Variants in HDX observed in about 807,000 individuals in gnomAD.
HDX encodes the protein chromosome X open reading frame 43.
In HDX, 19 loss-of-function variants were observed where a neutral mutation model predicts 45.2. The observed-to-expected ratio is 0.42, with a 90% CI of 0.29 to 0.62. The LOEUF is 0.62. HDX is among the 20% of genes least tolerant of loss of function. The pLI, the probability that HDX is intolerant of heterozygous loss-of-function variation, is 0.20. For synonymous variants in HDX, 188 were observed against 172.8 expected (o/e 1.09, Z -0.69); for missense variants, 532 against 493.9 (o/e 1.08, Z -0.73).
intron 5 of HDX, chrX:84,440,328 G>A (rs2039733158): frequency 2.9e-6 from 1 of 340,223 alleles, no homozygotes; most frequent in African/African-American, 2.7e-5. Flanking sequence ...TGGATTATAT[G>A]GTGTGCTGAG....
At chrX:84,495,803 C>T (rs2040988445) in intron 1 of HDX, among the ~76,000 whole-genome samples, 1 of 111,625 alleles carries the variant, frequency 9.0e-6, no homozygotes, top group Non-Finnish European at 1.9e-5. Flanking sequence ...GGAAACAAAA[C>T]CTTCTCTAGA....
chrX:84,403,876 C>G (rs914066967), intron 5 of HDX: 3 of 111,407 alleles, frequency 2.7e-5, no homozygotes, highest in African/African-American at 6.5e-5. Context: ...CATGTTCTAC[C>G]AGGTACACAC....
At position 84,336,845 on chromosome X, in the gene HDX, C is replaced by T; in HGVS notation, c.1696G>A (p.Ala566Thr). Residue 566 changes from alanine to threonine, a missense_variant, in exon 8 of 11, where the codon GCT (alanine) becomes ACT (threonine). This residue lies in a region of HDX where 151 missense variants were observed against 131.8 expected (regional missense o/e 1.15). Transcript: ENST00000373177. The part of the protein sequence containing the change: ...PNEVVPNDAR[A>T]HKEEDHHAVT... Reference sequence around the variant, plus strand: ...GCATGGTGGTCCTCTTCCTTATGAGCCCTTGCATCATTCGGAACAACTTCA... The same window carrying T: ...GCATGGTGGTCCTCTTCCTTATGAGTCCTTGCATCATTCGGAACAACTTCA... 1 of 1,190,417 alleles carries T rather than the reference C, an allele frequency of 8.4e-7. No homozygotes were observed. The highest frequency in any genetic ancestry group is 1.1e-6 in the Non-Finnish European group (1 of 880,146).
In HDX at chrX:84,411,986, C is replaced by G. The variant is rs985858841; in HGVS notation, c.1305+28546G>C. ...TTTGTCTGAAATTATACTATCAGCC[C>G]CCACTTTTTTCTGTTTTCCATTTGC... On this transcript the variant is annotated intron_variant, in intron 5 of 10. Coordinates refer to ENST00000373177, the MANE Select transcript of HDX (RefSeq NM_001177479.2). Among the ~76,000 whole-genome samples, 4 of 110,945 alleles carry G rather than the reference C, an allele frequency of 3.6e-5. 1 individual carries two copies. Among genetic ancestry groups the G allele is most frequent in the Non-Finnish European group, 7.6e-5 (4 of 52,884 alleles).
intron 4 of HDX, among the ~76,000 whole-genome samples, chrX:84,460,981 G>A (rs773629729): frequency 2.6e-4 from 29 of 111,205 alleles, no homozygotes; most frequent in African/African-American, 8.5e-4. Flanking sequence ...ATAAGTGAAA[G>A]ATCTCTATAA....
rs1279358555 is a variant in HDX at position 84,386,876 on chromosome X, C to G, written c.1306-25264G>C. Among the ~76,000 whole-genome samples, 14 of 111,140 alleles carry G rather than the reference C, an allele frequency of 1.3e-4. No individual in the cohort carries two copies. The Admixed American group carries it at 1.3e-3, about 11-fold the overall frequency. ...TCTAATTTTAGTTATTTATTTTCTT[C>G]TGCTAGCTTTGGGGTTGATTTGTTT... On this transcript the variant is annotated intron_variant, in intron 5 of 10. Transcript: ENST00000373177.
chrX:84,393,686 T>C (rs1602372309), intron 5 of HDX, among the ~76,000 whole-genome samples: 1 of 111,282 alleles, frequency 9.0e-6, no homozygotes, highest in East Asian at 2.8e-4. Context: ...ATTACTGCTT[T>C]GATCTCATTA....
chrX:84,433,739 T>C (rs1001783125), intron 5 of HDX, among the ~76,000 whole-genome samples: 1 of 111,609 alleles, frequency 9.0e-6, no homozygotes, highest in Non-Finnish European at 1.9e-5. Flanking sequence ...ATTGGTACTT[T>C]GATAAATATT....
chrX:84,433,249 G>A (rs991853338), intron 5 of HDX, among the ~76,000 whole-genome samples: 4 of 111,538 alleles, frequency 3.6e-5, no homozygotes, highest in African/African-American at 9.8e-5. Flanking sequence ...CTGACCTGCT[G>A]TTTGTTCTAT....
chrX:84,475,588 G>A, intron 2 of HDX, among the ~76,000 whole-genome samples, 191 bp from the exon 3 acceptor site: 1 of 111,360 alleles, frequency 9.0e-6, no homozygotes. Flanking sequence ...TATGCATAGT[G>A]CAAACACTTA....
At position 84,320,652 on chromosome X, in the gene HDX, A is replaced by G. The variant is rs945284911; in HGVS notation, c.*1237T>C. 2 of 111,075 alleles carry G rather than the reference A, an allele frequency of 1.8e-5. No homozygotes were observed. Among genetic ancestry groups the G allele is most frequent in the Admixed American group, 1.9e-4 (2 of 10,434 alleles). The allele number at this position is 111,075 out of a possible 1,213,427, so 9.2% of individuals were successfully genotyped here. A position where few individuals can be genotyped will look rare whatever the true frequency, so the allele number is the denominator to read the frequency against. On this transcript the variant is annotated 3_prime_UTR_variant, in exon 11 of 11. Coordinates refer to ENST00000373177, the MANE Select transcript of HDX (RefSeq NM_001177479.2). ...ATTTAACCATGCAACACAATTGCAC[A>G]CTGCCAAGTCACAAATATATGACAC...
chrX:84,467,919 C>T (rs2040383047), intron 4 of HDX, among the ~76,000 whole-genome samples: 1 of 111,945 alleles, frequency 8.9e-6, no homozygotes, highest in Admixed American at 9.5e-5. Context: ...TCCCTATAAA[C>T]ATTTTTAAAT....
intron 5 of HDX, among the ~76,000 whole-genome samples, chrX:84,400,833 C>G (rs75330660): frequency 9.0e-6 from 1 of 111,034 alleles, no homozygotes; most frequent in East Asian, 2.8e-4. Flanking sequence ...CAAAACAGCA[C>G]AGTACTAGTA....
chrX:84,391,088 A>C (rs1211178803), intron 5 of HDX, among the ~76,000 whole-genome samples: 1 of 111,865 alleles, frequency 8.9e-6, no homozygotes, highest in African/African-American at 3.3e-5. Context: ...TGTATCCATT[A>C]ATAAACCTTT....
chrX:84,408,614 T>C (rs1182641865), intron 5 of HDX, among the ~76,000 whole-genome samples: 1 of 107,643 alleles, frequency 9.3e-6, no homozygotes, highest in Non-Finnish European at 1.9e-5. Context: ...CCATTGGTAG[T>C]TTGATCAGAA....
At chrX:84,375,282 T>C (rs933497420) in intron 5 of HDX, among the ~76,000 whole-genome samples, 2 of 110,960 alleles carry the variant, frequency 1.8e-5, no homozygotes, top group Non-Finnish European at 3.8e-5. Flanking sequence ...TAGGGACACT[T>C]TTACACTGCT....
intron 10 of HDX, 82 bp from the exon 11 acceptor site, chrX:84,322,096 T>C (rs1602242127): frequency 1.8e-6 from 1 of 560,879 alleles, no homozygotes; most frequent in Non-Finnish European, 2.6e-6. Flanking sequence ...AGTCCTCCCA[T>C]GGTGAATTAT....
intron 4 of HDX, among the ~76,000 whole-genome samples, chrX:84,463,652 A>C (rs976201463): frequency 2.7e-5 from 3 of 110,910 alleles, no homozygotes; most frequent in African/African-American, 9.8e-5. Flanking sequence ...CAATATCTTC[A>C]CAAAGATGAT....
intron 5 of HDX, among the ~76,000 whole-genome samples, chrX:84,408,366 C>T (rs186810417): frequency 2.2e-4 from 24 of 110,264 alleles, no homozygotes; most frequent in African/African-American, 2.3e-4. Flanking sequence ...TGTAGGTATG[C>T]AGCTTTATTT....
Sources: allele counts gnomAD v4.1 joint callset (sites outside exome capture counted in the v4.1 genomes callset), GRCh38; gene constraint gnomAD v4.1.1; regional missense constraint gnomAD v4.1.1; transcripts MANE v1.5; gene names NCBI Gene and HGNC (gene_info 2026-07-23, HGNC 2026-07-21).